QKI: variants seen among roughly 807,000 people sequenced by gnomAD.
QKI encodes KH domain-containing RNA-binding protein QKI.
Under a neutral mutation model 39.0 loss-of-function variants are expected in QKI, and 10 were observed. That is an observed-to-expected ratio of 0.26 (90% CI 0.16 to 0.43). The LOEUF (loss-of-function observed/expected upper bound fraction) is 0.43. Ranked by LOEUF, QKI falls within the 20% of genes least tolerant of loss-of-function variation. The pLI, the probability that QKI is intolerant of heterozygous loss-of-function variation, is 1.00. For missense variants in QKI, 218 were observed against 428.0 expected (o/e 0.51, Z 4.33); for synonymous variants, 204 against 155.4 (o/e 1.31, Z -2.33).
intron 5 of QKI, 129 bp downstream of exon 5, chr6:163,562,198 A>G: frequency 2.0e-6 from 1 of 495,444 alleles, no homozygotes. Context: ...CTGTCACTTG[A>G]TATGGGGCTG....
At chr6:163,520,688 T>C (rs181387527) in intron 3 of QKI, among the ~76,000 whole-genome samples, 1 of 152,338 alleles carries the variant, frequency 6.6e-6, no homozygotes, top group Non-Finnish European at 1.5e-5. Context: ...TTTTCAATGC[T>C]TTCAAGTTAT....
chr6:163,543,995 CTT>C (rs1781708035), intron 4 of QKI, among the ~76,000 whole-genome samples: 1 of 151,894 alleles, frequency 6.6e-6, no homozygotes, highest in Admixed American at 6.6e-5. Flanking sequence ...ATATTTTTAT[CTT>C]TGTCATAGTT....
chr6:163,566,344 G>A, intron 6 of QKI: 6 of 1,191,808 alleles, frequency 5.0e-6, no homozygotes, highest in Non-Finnish European at 6.3e-6. Flanking sequence ...CTTAAGGTTA[G>A]CAAATAATTG....
At chr6:163,454,986 A>G (rs1227351453) in intron 1 of QKI, among the ~76,000 whole-genome samples, 2 of 152,216 alleles carry the variant, frequency 1.3e-5, no homozygotes, top group Non-Finnish European at 2.9e-5. Context: ...GAAAAATTAG[A>G]TGAACTAACA....
intron 3 of QKI, among the ~76,000 whole-genome samples, chr6:163,525,212 TACTG>T (rs1780415317): frequency 6.6e-6 from 1 of 152,068 alleles, no homozygotes; most frequent in Non-Finnish European, 1.5e-5. Context: ...ATGAACCTGT[TACTG>T]ACCTTTGCTT....
intron 2 of QKI, among the ~76,000 whole-genome samples, chr6:163,461,356 ATAAT>A: frequency 6.6e-6 from 1 of 152,316 alleles, no homozygotes. Flanking sequence ...ATTTCTTTAA[ATAAT>A]AAGGCCTCTC....
intron 3 of QKI, 102 bp from the exon 4 acceptor site, chr6:163,534,880 T>A (rs1388945238): frequency 1.4e-5 from 14 of 999,056 alleles, no homozygotes; most frequent in Non-Finnish European, 1.8e-5. Context: ...AGCAAAATAA[T>A]GCAAACATAG....
chr6:163,535,245 A>G, intron 4 of QKI, 120 bp downstream of exon 4: 3 of 1,089,880 alleles, frequency 2.8e-6, no homozygotes, highest in Non-Finnish European at 3.8e-6. Context: ...ATTTAAGCAT[A>G]AAATTAAAAA....
chr6:163,433,009 G>GT (rs1432899761), intron 1 of QKI, among the ~76,000 whole-genome samples: 6 of 152,180 alleles, frequency 3.9e-5, no homozygotes, highest in Middle Eastern at 3.2e-3. Flanking sequence ...ATAAAGGCAG[G>GT]TGGAAGTAAG....
chr6:163,465,804 A>G (rs942293767), intron 2 of QKI, among the ~76,000 whole-genome samples: 3 of 152,076 alleles, frequency 2.0e-5, no homozygotes, highest in Admixed American at 1.3e-4. Context: ...TTTTCTGTCT[A>G]TACACTAACA....
chr6:163,417,154 A>G (rs961590307), intron 1 of QKI, among the ~76,000 whole-genome samples: 1 of 152,138 alleles, frequency 6.6e-6, no homozygotes, highest in Non-Finnish European at 1.5e-5. Context: ...TATTGGCACA[A>G]CTTTATGACG....
At chr6:163,418,926 A>G (rs1238132312) in intron 1 of QKI, among the ~76,000 whole-genome samples, 2 of 152,102 alleles carry the variant, frequency 1.3e-5, no homozygotes, top group African/African-American at 4.8e-5. Context: ...TTGAGTTTTC[A>G]ATTTTTTAGG....
intron 7 of QKI, chr6:163,567,935 A>G (rs942979157): frequency 6.2e-5 from 61 of 985,226 alleles, no homozygotes; most frequent in Non-Finnish European, 7.2e-5. Context: ...CACATCAGAA[A>G]TAACATGCCT....
At chr6:163,464,614 A>G (rs1200273527) in intron 2 of QKI, among the ~76,000 whole-genome samples, 1 of 152,210 alleles carries the variant, frequency 6.6e-6, no homozygotes, top group African/African-American at 2.4e-5. Flanking sequence ...CCTAAAACAT[A>G]CAACCTATCA....
chr6:163,541,530 C>G (rs966987682), intron 4 of QKI, among the ~76,000 whole-genome samples: 5 of 131,652 alleles, frequency 3.8e-5, no homozygotes, highest in African/African-American at 1.4e-4. Context: ...CTAGTTTTGT[C>G]TGTTACTGAA....
intron 4 of QKI, among the ~76,000 whole-genome samples, chr6:163,559,849 C>T (rs1337870284): frequency 6.6e-6 from 1 of 152,084 alleles, no homozygotes; most frequent in Admixed American, 6.6e-5. Context: ...TCGTCCTTCC[C>T]GTTTTATGAA....
chr6:163,520,214 G>T (rs1320863592), intron 3 of QKI, among the ~76,000 whole-genome samples: 1 of 152,080 alleles, frequency 6.6e-6, no homozygotes, highest in Non-Finnish European at 1.5e-5. Flanking sequence ...CTTCTATTTT[G>T]TATTTCTCTG....
intron 1 of QKI, among the ~76,000 whole-genome samples, chr6:163,425,430 A>G (rs1788332583): frequency 6.6e-6 from 1 of 152,172 alleles, no homozygotes; most frequent in Non-Finnish European, 1.5e-5. Flanking sequence ...GGTTGTAGGG[A>G]ATCTTTAAGG....
At chr6:163,531,262 T>A (rs1437757805) in intron 3 of QKI, among the ~76,000 whole-genome samples, 2 of 152,194 alleles carry the variant, frequency 1.3e-5, no homozygotes, top group East Asian at 3.8e-4. Flanking sequence ...TTGCTCTGCA[T>A]TTGGAGCAGG....
Sources: gnomAD v4.1 joint callset for allele counts (sites outside exome capture counted in the v4.1 genomes callset) on GRCh38, gnomAD v4.1.1 for gene constraint, MANE v1.5 for transcripts, NCBI Gene and HGNC (gene_info 2026-07-23, HGNC 2026-07-21) for gene names.